RABGAP1L: variants seen among roughly 807,000 people sequenced by gnomAD.
The protein encoded by RABGAP1L is RAB GTPase activating protein 1 like.
A neutral mutation model predicts 137.7 loss-of-function variants in RABGAP1L; 63 were observed. The observed-to-expected ratio is 0.46, with a 90% CI of 0.37 to 0.56. The LOEUF (loss-of-function observed/expected upper bound fraction) is 0.56, where lower values mean the gene tolerates loss of function less well. Ranked by LOEUF, RABGAP1L falls within the 20% of genes least tolerant of loss-of-function variation. The pLI is 0.00. For missense variants in RABGAP1L, 1,095 were observed against 1,244.0 expected (o/e 0.88, Z 1.80); for synonymous variants, 431 against 433.7 (o/e 0.99, Z 0.08).
rs555994408 is a variant in RABGAP1L at position 174,746,566 on chromosome 1, A to G, written c.2170-5747A>G. On this transcript the variant is annotated intron_variant, in intron 17 of 25. Coordinates refer to ENST00000681986, the MANE Select transcript of RABGAP1L (RefSeq NM_001366446.1). ...TTTTTACTCTCTGCTCTCAAAATTT[A>G]CTTGCCTTTAAATGGAAAGAATCAC... Among the ~76,000 whole-genome samples, 15 of 152,308 alleles carry G rather than the reference A, an allele frequency of 9.8e-5. No homozygotes were observed. In the South Asian group the frequency reaches 3.1e-3, roughly 32 times the overall value.
At chr1:174,206,140 C>G (rs879628153) in intron 1 of RABGAP1L, among the ~76,000 whole-genome samples, 17 of 152,120 alleles carry the variant, frequency 1.1e-4, no homozygotes, top group Admixed American at 1.3e-4. Flanking sequence ...ATCTATTTGG[C>G]TGTGGGGTTG....
chr1:174,192,318 GT>G (rs3056994), intron 1 of RABGAP1L, among the ~76,000 whole-genome samples: 5,346 of 112,896 alleles, frequency 0.047, 242 homozygotes, highest in African/African-American at 0.18. Flanking sequence ...TGTCTGAGGT[GT>G]TTTTTTTTTT....
rs191811977 is a variant in RABGAP1L at position 174,491,608 on chromosome 1, C to T, written c.1710+97463C>T. Reference sequence around the variant, plus strand: ...TCTGGTGTCTCAGTAAGTTACATGTCCCCCCAGTCCACTGGCTCTGACACC... The same window carrying T: ...TCTGGTGTCTCAGTAAGTTACATGTTCCCCCAGTCCACTGGCTCTGACACC... On this transcript the variant is annotated intron_variant, in intron 13 of 25. Transcript: ENST00000681986. Among the ~76,000 whole-genome samples, 16 of 152,210 alleles carry T rather than the reference C, an allele frequency of 1.1e-4. No homozygotes were observed. The East Asian group carries it at 2.9e-3, about 28-fold the overall frequency.
At position 174,446,985 on chromosome 1, in the gene RABGAP1L, A is replaced by G. The variant is rs574413544; in HGVS notation, c.1710+52840A>G. ...TGTCTAACTTTATATTTACATATAT[A>G]TGTGAGATATGGGTATACAGTTGCA... On this transcript the variant is annotated intron_variant, in intron 13 of 25. Transcript: ENST00000681986. Among the ~76,000 whole-genome samples the G allele has an allele frequency of 8.5e-5, 13 of 152,338 alleles. No individual in the cohort carries two copies. The East Asian group carries it at 2.5e-3, about 29-fold the overall frequency.
chr1:174,621,966 C>A (rs933166353), intron 13 of RABGAP1L, among the ~76,000 whole-genome samples: 1 of 152,114 alleles, frequency 6.6e-6, no homozygotes, highest in Non-Finnish European at 1.5e-5. Flanking sequence ...TGACAAAGGG[C>A]TAATATCCAG....
At chr1:174,533,657 A>G (rs1046598117) in intron 13 of RABGAP1L, among the ~76,000 whole-genome samples, 5 of 152,056 alleles carry the variant, frequency 3.3e-5, no homozygotes, top group African/African-American at 9.7e-5. Flanking sequence ...AACATACGAA[A>G]TACGTGTTTT....
At chr1:174,814,120 A>G (rs1439151561) in intron 19 of RABGAP1L, among the ~76,000 whole-genome samples, 1 of 152,156 alleles carries the variant, frequency 6.6e-6, no homozygotes, top group Non-Finnish European at 1.5e-5. Flanking sequence ...ATCCAGAAAC[A>G]TGGGATCTGA....
intron 14 of RABGAP1L, among the ~76,000 whole-genome samples, chr1:174,658,938 T>C (rs893684710): frequency 4.6e-5 from 7 of 152,164 alleles, no homozygotes; most frequent in Non-Finnish European, 4.4e-5. Context: ...TGATTTTTGT[T>C]TTAGGCACCT....
At chr1:174,417,511 T>A (rs889173665) in intron 13 of RABGAP1L, among the ~76,000 whole-genome samples, 2 of 152,202 alleles carry the variant, frequency 1.3e-5, no homozygotes, top group African/African-American at 4.8e-5. Flanking sequence ...GCCCAACTTA[T>A]ATGTGATGCA....
chr1:174,221,320 G>T (rs1669739365), intron 3 of RABGAP1L, among the ~76,000 whole-genome samples, 156 bp downstream of exon 3: 1 of 152,130 alleles, frequency 6.6e-6, no homozygotes, highest in South Asian at 2.1e-4. Context: ...CTATATCTCT[G>T]CCTATAAAAA....
chr1:174,265,806 T>A (rs1191074621), intron 7 of RABGAP1L, among the ~76,000 whole-genome samples: 2 of 152,058 alleles, frequency 1.3e-5, no homozygotes, highest in Non-Finnish European at 2.9e-5. Context: ...GTTGAAAATT[T>A]AAAAAAAGTG....
At chr1:174,571,093 A>G (rs1454909838) in intron 13 of RABGAP1L, among the ~76,000 whole-genome samples, 1 of 152,228 alleles carries the variant, frequency 6.6e-6, no homozygotes, top group Non-Finnish European at 1.5e-5. Context: ...CAGACATAAA[A>G]AGAAGGAGAT....
At chr1:174,303,245 A>G (rs907743885) in intron 10 of RABGAP1L, among the ~76,000 whole-genome samples, 1 of 152,146 alleles carries the variant, frequency 6.6e-6, no homozygotes, top group African/African-American at 2.4e-5. Flanking sequence ...ATGGTTCTCA[A>G]TTCAGCTTTG....
At chr1:174,243,931 T>C (rs931718624) in intron 5 of RABGAP1L, among the ~76,000 whole-genome samples, 2 of 152,238 alleles carry the variant, frequency 1.3e-5, no homozygotes, top group African/African-American at 4.8e-5. Flanking sequence ...CAAATGTGGA[T>C]TTTTGTATTT....
intron 13 of RABGAP1L, among the ~76,000 whole-genome samples, chr1:174,404,589 G>A (rs1336551814): frequency 6.6e-6 from 1 of 152,098 alleles, no homozygotes; most frequent in African/African-American, 2.4e-5. Context: ...TAGGGTTGAT[G>A]TAATAAGGTT....
chr1:174,206,530 C>T (rs1668513603), intron 1 of RABGAP1L, among the ~76,000 whole-genome samples: 1 of 152,164 alleles, frequency 6.6e-6, no homozygotes, highest in African/African-American at 2.4e-5. Flanking sequence ...GGATCTCCTA[C>T]AGTCATTCTA....
intron 7 of RABGAP1L, among the ~76,000 whole-genome samples, chr1:174,265,709 T>A (rs1040341427): frequency 6.6e-6 from 1 of 152,124 alleles, no homozygotes; most frequent in Non-Finnish European, 1.5e-5. Flanking sequence ...CAATGAAAAA[T>A]TTTAAGAACA....
intron 14 of RABGAP1L, among the ~76,000 whole-genome samples, chr1:174,679,238 G>A (rs114813465): frequency 0.01 from 1,555 of 152,262 alleles, 29 homozygotes; most frequent in African/African-American, 0.036. Context: ...TGTGAGCTAA[G>A]CTGCAAGCCC....
chr1:174,365,941 T>G (rs1354798109), intron 11 of RABGAP1L, among the ~76,000 whole-genome samples: 3 of 152,208 alleles, frequency 2.0e-5, no homozygotes, highest in South Asian at 2.1e-4. Context: ...CCTCTGAACT[T>G]TAATTTATAC....
Sources: allele counts gnomAD v4.1 joint callset (sites outside exome capture counted in the v4.1 genomes callset), GRCh38; gene constraint gnomAD v4.1.1; transcripts MANE v1.5; gene names NCBI Gene and HGNC (gene_info 2026-07-23, HGNC 2026-07-21).